HELQ: variants seen among roughly 807,000 people sequenced by gnomAD.
HELQ encodes helicase, POLQ like.
Under a neutral mutation model 111.6 loss-of-function variants are expected in HELQ, and 77 were observed. The ratio of observed to expected loss-of-function variants is 0.69; its 90% CI spans 0.57 to 0.83. HELQ has a LOEUF of 0.83. HELQ is among the 40% of genes least tolerant of loss of function. The pLI, the probability that HELQ is intolerant of heterozygous loss-of-function variation, is 0.00. For synonymous variants in HELQ, 438 were observed against 454.7 expected, an observed-to-expected ratio of 0.96 and a Z score of 0.47; for missense variants, 1,200 against 1,288.5, an observed-to-expected ratio of 0.93 and a Z score of 1.05.
At chr4:83,414,064 C>T (rs137934461) in intron 17 of HELQ, among the ~76,000 whole-genome samples, 4 of 152,302 alleles carry the variant, frequency 2.6e-5, no homozygotes, top group East Asian at 3.9e-4. Context: ...TGTTATGTAG[C>T]GTATGTACGT....
chr4:83,454,841 T>C (rs1721654842), intron 1 of HELQ, among the ~76,000 whole-genome samples: 1 of 152,102 alleles, frequency 6.6e-6, no homozygotes, highest in African/African-American at 2.4e-5. Context: ...CAGACTACAA[T>C]CTACAGTGAC....
chr4:83,429,407 C>T (rs1463041658), intron 12 of HELQ, 117 bp downstream of exon 12: 1 of 752,040 alleles, frequency 1.3e-6, no homozygotes, highest in Non-Finnish European at 2.2e-6. Context: ...CCTTGGCCTC[C>T]CAGAGTGTTG....
chr4:83,448,575 C>G (rs1721175206), intron 3 of HELQ, among the ~76,000 whole-genome samples: 1 of 150,782 alleles, frequency 6.6e-6, no homozygotes, highest in Admixed American at 6.6e-5. Context: ...GAGGCTGAGG[C>G]AGGAGAATCG....
intron 8 of HELQ, among the ~76,000 whole-genome samples, chr4:83,438,060 A>C (rs1720556521): frequency 6.6e-6 from 1 of 152,148 alleles, no homozygotes; most frequent in African/African-American, 2.4e-5. Flanking sequence ...GCAGACTGTT[A>C]CCAAAATGAG....
chr4:83,434,142 G>T (rs1720316622), intron 9 of HELQ, among the ~76,000 whole-genome samples: 1 of 151,972 alleles, frequency 6.6e-6, no homozygotes, highest in African/African-American at 2.4e-5. Flanking sequence ...AGGCCACGGT[G>T]GGCAGATCAC....
intron 6 of HELQ, among the ~76,000 whole-genome samples, chr4:83,443,115 CAT>C (rs1720863389): frequency 1.3e-5 from 2 of 151,942 alleles, no homozygotes; most frequent in South Asian, 4.1e-4. Flanking sequence ...TAACTACTAA[CAT>C]ATAAATATTT....
intron 1 of HELQ, 71 bp from the exon 2 acceptor site, chr4:83,454,016 C>A: frequency 1.1e-6 from 1 of 924,736 alleles, no homozygotes; most frequent in South Asian, 1.6e-5. Context: ...CCAGCCTGGC[C>A]AACATGGTCA....
At chr4:83,449,269 G>A (rs958284402) in intron 2 of HELQ, among the ~76,000 whole-genome samples, 4 of 152,210 alleles carry the variant, frequency 2.6e-5, no homozygotes, top group African/African-American at 9.7e-5. Context: ...TGAGATATCA[G>A]AGGAACAAAG....
chr4:83,408,745 T>C lies in HELQ; in HGVS notation c.3199-1185A>G, dbSNP rs372138013. Among the ~76,000 whole-genome samples the C allele has an allele frequency of 4.6e-5, 7 of 151,624 alleles. No homozygotes were observed. The East Asian group carries it at 1.2e-3, about 25-fold the overall frequency. On this transcript the variant is annotated intron_variant, in intron 17 of 17. Transcript: ENST00000295488. The stretch of plus-strand genomic sequence containing the variant: ...GTTTCTTGAGCTCCCACCCAAGTGT[T>C]TGCAGAGATCCAGATGGGGTTGAGA...
intron 17 of HELQ, among the ~76,000 whole-genome samples, chr4:83,409,165 G>A (rs1254394871): frequency 1.3e-5 from 2 of 152,174 alleles, no homozygotes; most frequent in Non-Finnish European, 2.9e-5. Flanking sequence ...GAACACTCTT[G>A]AACTGGGATC....
intron 6 of HELQ, among the ~76,000 whole-genome samples, chr4:83,442,944 T>C (rs1338533908): frequency 1.3e-5 from 2 of 152,110 alleles, no homozygotes; most frequent in African/African-American, 4.8e-5. Flanking sequence ...GCACAAAACA[T>C]ACACACTAGT....
chr4:83,430,958 A>G (rs1720109352), intron 11 of HELQ, among the ~76,000 whole-genome samples: 1 of 152,142 alleles, frequency 6.6e-6, no homozygotes, highest in Non-Finnish European at 1.5e-5. Context: ...TTCCTCCCTG[A>G]AAAAGTTTTT....
chr4:83,437,914 T>C (rs1390952857), intron 8 of HELQ, among the ~76,000 whole-genome samples: 1 of 152,222 alleles, frequency 6.6e-6, no homozygotes, highest in Non-Finnish European at 1.5e-5. Flanking sequence ...CTTCACATCC[T>C]ACAATGTTTC....
intron 5 of HELQ, among the ~76,000 whole-genome samples, chr4:83,444,774 G>A (rs1173956107): frequency 6.6e-6 from 1 of 152,178 alleles, no homozygotes; most frequent in African/African-American, 2.4e-5. Flanking sequence ...GAAGAGGTGG[G>A]CATGGGGTCA....
intron 17 of HELQ, among the ~76,000 whole-genome samples, chr4:83,414,996 G>A (rs1560539256): frequency 6.6e-6 from 1 of 152,164 alleles, no homozygotes; most frequent in East Asian, 1.9e-4. Context: ...TAGGTTTGTT[G>A]TAAAGAACAA....
chr4:83,440,867 A>G (rs1720721937), intron 7 of HELQ, among the ~76,000 whole-genome samples: 1 of 152,222 alleles, frequency 6.6e-6, no homozygotes, highest in Admixed American at 6.5e-5. Context: ...GTACTTCCTC[A>G]CAATTTAGTA....
At chr4:83,435,444 C>A (rs192326956) in intron 9 of HELQ, among the ~76,000 whole-genome samples, 1 of 152,094 alleles carries the variant, frequency 6.6e-6, no homozygotes, top group Admixed American at 6.5e-5. Flanking sequence ...AAAATTGAAT[C>A]TAGAATTCTT....
At chr4:83,442,771 T>C (rs938088001) in intron 6 of HELQ, among the ~76,000 whole-genome samples, 1 of 152,052 alleles carries the variant, frequency 6.6e-6, no homozygotes, top group African/African-American at 2.4e-5. Context: ...AGGCTGGTCT[T>C]GAACTCCTGG....
chr4:83,455,302 C>A, intron 1 of HELQ, 95 bp downstream of exon 1: 1 of 1,543,504 alleles, frequency 6.5e-7, no homozygotes, highest in Admixed American at 1.9e-5. Flanking sequence ...GTAACGAAGA[C>A]GAGAGAAGTA....
Sources: gnomAD v4.1 joint callset for allele counts (sites outside exome capture counted in the v4.1 genomes callset) on GRCh38, gnomAD v4.1.1 for gene constraint, MANE v1.5 for transcripts, NCBI Gene and HGNC (gene_info 2026-07-23, HGNC 2026-07-21) for gene names.